Variants in NCOA1 observed in about 807,000 individuals in gnomAD.
NCOA1 encodes the protein nuclear receptor coactivator 1, also known as Hin-2 protein.
In NCOA1, 35 loss-of-function variants were observed where a neutral mutation model predicts 150.9. The observed-to-expected ratio is 0.23, with a 90% CI of 0.18 to 0.31. The LOEUF (loss-of-function observed/expected upper bound fraction) is 0.31. Among genes scored for constraint, NCOA1 ranks in the 10% least tolerant of loss-of-function variants. The pLI, the probability that NCOA1 is intolerant of heterozygous loss-of-function variation, is 1.00. For missense variants in NCOA1, 1,491 were observed against 1,749.3 expected (o/e 0.85, Z 2.63); for synonymous variants, 590 against 630.0 (o/e 0.94, Z 0.95).
At chr2:24,492,822 T>C (rs574710668) in intron 1 of NCOA1, among the ~76,000 whole-genome samples, 1 of 152,304 alleles carries the variant, frequency 6.6e-6, no homozygotes, top group African/African-American at 2.4e-5. Flanking sequence ...GTGCTTACAT[T>C]TCAGTGATTA....
chr2:24,675,094 C>A (rs1671846849), intron 7 of NCOA1, among the ~76,000 whole-genome samples: 1 of 152,190 alleles, frequency 6.6e-6, no homozygotes, highest in African/African-American at 2.4e-5. Flanking sequence ...ATGTTAGTAT[C>A]CCCTGGGAGT....
At chr2:24,619,356 GT>G (rs1669014397) in intron 3 of NCOA1, among the ~76,000 whole-genome samples, 1 of 152,180 alleles carries the variant, frequency 6.6e-6, no homozygotes, top group African/African-American at 2.4e-5. Flanking sequence ...TTCCCACAAA[GT>G]ATTAATAATA....
intron 6 of NCOA1, among the ~76,000 whole-genome samples, chr2:24,671,339 G>A (rs1671674002): frequency 6.6e-6 from 1 of 152,006 alleles, no homozygotes; most frequent in African/African-American, 2.4e-5. Flanking sequence ...ACTAAAATCT[G>A]AGTATGCTCA....
chr2:24,653,772 T>C (rs1421012309), intron 4 of NCOA1, among the ~76,000 whole-genome samples: 3 of 152,120 alleles, frequency 2.0e-5, no homozygotes, highest in Admixed American at 6.5e-5. Context: ...CCTAATTTCA[T>C]TGGAGGCCGA....
chr2:24,548,854 C>T (rs1439393657), intron 1 of NCOA1, among the ~76,000 whole-genome samples: 1 of 152,232 alleles, frequency 6.6e-6, no homozygotes, highest in Non-Finnish European at 1.5e-5. Flanking sequence ...TTGCAGGGTA[C>T]AGCCTTCCTC....
intron 3 of NCOA1, among the ~76,000 whole-genome samples, chr2:24,607,020 A>G (rs1016611799): frequency 4.6e-5 from 7 of 152,154 alleles, no homozygotes; most frequent in African/African-American, 1.7e-4. Context: ...TCTTTTTCAC[A>G]GCAACTACCA....
intron 1 of NCOA1, among the ~76,000 whole-genome samples, chr2:24,549,556 AT>A (rs1049430841): frequency 1.3e-5 from 2 of 151,818 alleles, no homozygotes; most frequent in Non-Finnish European, 2.9e-5. Flanking sequence ...ATTTTTCCAT[AT>A]TTTTATGCTC....
chr2:24,514,314 A>C (rs1664066703), intron 1 of NCOA1, among the ~76,000 whole-genome samples: 1 of 150,984 alleles, frequency 6.6e-6, no homozygotes, highest in Non-Finnish European at 1.5e-5. Context: ...AAAGGAAAAA[A>C]ACAAAAAGAA....
chr2:24,498,644 A>G (rs1298342986), intron 1 of NCOA1, among the ~76,000 whole-genome samples: 1 of 152,200 alleles, frequency 6.6e-6, no homozygotes, highest in African/African-American at 2.4e-5. Flanking sequence ...GGAGTAATGC[A>G]GGGGAAAGTG....
At chr2:24,583,078 A>C (rs1265762626) in intron 2 of NCOA1, among the ~76,000 whole-genome samples, 1 of 152,190 alleles carries the variant, frequency 6.6e-6, no homozygotes, top group African/African-American at 2.4e-5. Context: ...GTATTATATC[A>C]AGCTAAAAAA....
chr2:24,653,985 T>G (rs1043858569), intron 4 of NCOA1, among the ~76,000 whole-genome samples: 3 of 152,214 alleles, frequency 2.0e-5, no homozygotes, highest in African/African-American at 7.2e-5. Context: ...CATTATTTCA[T>G]TTTTGTATTA....
chr2:24,726,568 T>C, intron 14 of NCOA1, 21 bp from the exon 15 acceptor site: 1 of 1,512,808 alleles, frequency 6.6e-7, no homozygotes, highest in Admixed American at 1.7e-5. Flanking sequence ...AATGACTTCT[T>C]ACCTTTTCTT....
chr2:24,570,582 A>G (rs141189449), intron 2 of NCOA1, among the ~76,000 whole-genome samples: 3 of 152,330 alleles, frequency 2.0e-5, no homozygotes, highest in East Asian at 3.8e-4. Flanking sequence ...ACCATTTTCT[A>G]ATGAATTCCT....
chr2:24,722,086 A>G (rs1354568355), intron 14 of NCOA1, among the ~76,000 whole-genome samples: 3 of 152,210 alleles, frequency 2.0e-5, no homozygotes, highest in African/African-American at 7.2e-5. Flanking sequence ...ATGAGAAAAC[A>G]AAGGTCCAGA....
chr2:24,762,075 T>G (rs1664818605), intron 21 of NCOA1, among the ~76,000 whole-genome samples: 1 of 152,260 alleles, frequency 6.6e-6, no homozygotes, highest in Non-Finnish European at 1.5e-5. Flanking sequence ...CTGCATCCCC[T>G]TAACTCAGGG....
chr2:24,728,612 A>T, intron 16 of NCOA1, 136 bp downstream of exon 16: 1 of 658,310 alleles, frequency 1.5e-6, no homozygotes, highest in South Asian at 3.4e-5. Context: ...ACTTATCAAA[A>T]TATATGAGTT....
intron 2 of NCOA1, among the ~76,000 whole-genome samples, chr2:24,566,095 T>C (rs1283011340): frequency 6.6e-6 from 1 of 152,218 alleles, no homozygotes; most frequent in Admixed American, 6.5e-5. Context: ...TGCCATTTGA[T>C]ATGTCCCGAG....
intron 14 of NCOA1, among the ~76,000 whole-genome samples, chr2:24,725,716 T>C (rs1325013190): frequency 3.2e-4 from 3 of 9,348 alleles, no homozygotes; most frequent in East Asian, 0.1. Context: ...AAAGTGTGCG[T>C]GTGTGTGTGT....
intron 7 of NCOA1, among the ~76,000 whole-genome samples, chr2:24,675,475 G>T (rs1001366459): frequency 1.3e-5 from 2 of 152,190 alleles, no homozygotes; most frequent in Non-Finnish European, 2.9e-5. Context: ...CATTTGAGGA[G>T]GAAGTCTCCC....
Sources: gnomAD v4.1 joint callset for allele counts (sites outside exome capture counted in the v4.1 genomes callset) on GRCh38, gnomAD v4.1.1 for gene constraint, MANE v1.5 for transcripts, NCBI Gene and HGNC (gene_info 2026-07-23, HGNC 2026-07-21) for gene names.